CACNA1C: variants seen among roughly 807,000 people sequenced by gnomAD.
The protein encoded by CACNA1C is calcium voltage-gated channel subunit alpha1 C.
CACNA1C carries 30 observed loss-of-function variants against 229.0 expected under a neutral mutation model. That is an observed-to-expected ratio of 0.13 (90% CI 0.10 to 0.18). CACNA1C has a LOEUF of 0.18. Among genes scored for constraint, CACNA1C ranks in the 10% least tolerant of loss-of-function variants. CACNA1C has a pLI of 1.00. For synonymous variants in CACNA1C, 1,114 were observed against 1,132.5 expected, an observed-to-expected ratio of 0.98 and a Z score of 0.33; for missense variants, 1,658 against 2,845.0, an observed-to-expected ratio of 0.58 and a Z score of 9.49.
In CACNA1C at chr12:2,665,324, G is replaced by A. The variant is rs2153708616; in HGVS notation, c.4399-257G>A. 6.6e-6 allele frequency among the ~76,000 whole-genome samples: 1 copy of A among 152,322 alleles called. No homozygotes were observed. Among genetic ancestry groups the A allele is most frequent in the East Asian group, 1.9e-4 (1 of 5,180 alleles). ...GGAAAAGGGGATAAAGTCCCCCTCT[G>A]TCCTGCACAGCCCTGCCCAGCAGCT... On this transcript the variant is annotated intron_variant, in intron 35 of 46. Transcript: ENST00000399655. This position sits in a 1 kb window ranked among gnomAD's most constrained non-coding sequence, Gnocchi z 5.9.
At chr12:2,438,003 GGT>G (rs1448205991) in intron 3 of CACNA1C, among the ~76,000 whole-genome samples, 1 of 151,092 alleles carries the variant, frequency 6.6e-6, no homozygotes. Flanking sequence ...TGGTGGTGGT[GGT>G]AATGGTAGCG....
In CACNA1C at chr12:2,679,449, C is replaced by T. The variant is rs113595214; in HGVS notation, c.5097C>T (p.Ala1699=). ...CCCCTCCTTCTTGCCTACAGAGGGC[C>T]GGTGGCCTGTTCGGCAACCACGTCA... ...AASEDDIFRR[A]GGLFGNHVSY... is the part of the protein sequence containing the mutation. Residue 1699 remains alanine, a synonymous_variant, in exon 42 of 47, where the codon GCC becomes GCT. Coordinates refer to ENST00000399655, the MANE Select transcript of CACNA1C (RefSeq NM_000719.7). This position sits in a 1 kb window ranked among gnomAD's most constrained non-coding sequence, Gnocchi z 5.5. The T allele has an allele frequency of 8.0e-3, 12,428 of 1,556,730 alleles. 65 individuals are homozygous for T. Among genetic ancestry groups the T allele is most frequent in the Middle Eastern group, 0.023 (133 of 5,856 alleles).
At chr12:2,520,847 C>G (rs1180884889) in intron 9 of CACNA1C, among the ~76,000 whole-genome samples, 1 of 152,048 alleles carries the variant, frequency 6.6e-6, no homozygotes, top group Non-Finnish European at 1.5e-5. Context: ...GAAGCCATGA[C>G]AGTCTTCTCA....
intron 3 of CACNA1C, among the ~76,000 whole-genome samples, chr12:2,228,134 G>A (rs746627890): frequency 6.6e-6 from 1 of 152,158 alleles, no homozygotes; most frequent in Non-Finnish European, 1.5e-5. Flanking sequence ...TTGTGTCAGA[G>A]TTCAGTTGGC....
At chr12:2,455,658 T>G (rs2099413149) in intron 4 of CACNA1C, among the ~76,000 whole-genome samples, 1 of 152,144 alleles carries the variant, frequency 6.6e-6, no homozygotes, top group African/African-American at 2.4e-5. Flanking sequence ...TGCTGGGTGT[T>G]TGTCCACATC....
intron 34 of CACNA1C, among the ~76,000 whole-genome samples, chr12:2,662,102 C>CCTACAG (rs1326017698): frequency 1.5e-4 from 23 of 151,952 alleles, no homozygotes; most frequent in Non-Finnish European, 2.8e-4. Context: ...ATTAGCCGGG[C>CCTACAG]GTGGTAGCAG....
At chr12:2,481,871 G>A (rs1387850233) in intron 5 of CACNA1C, among the ~76,000 whole-genome samples, 1 of 152,248 alleles carries the variant, frequency 6.6e-6, no homozygotes, top group Non-Finnish European at 1.5e-5. Flanking sequence ...TGCTTCACCA[G>A]GCTTGTCTAG....
intron 1 of CACNA1C, among the ~76,000 whole-genome samples, chr12:2,033,619 G>T (rs2048597336): frequency 6.6e-6 from 1 of 152,088 alleles, no homozygotes; most frequent in South Asian, 2.1e-4. Context: ...GCAACCTCAT[G>T]CTAAAACATG....
intron 29 of CACNA1C, among the ~76,000 whole-genome samples, chr12:2,622,873 C>T (rs2084086549): frequency 6.6e-6 from 1 of 152,194 alleles, no homozygotes; most frequent in African/African-American, 2.4e-5. Context: ...TTTCCATCTC[C>T]TGGTGGCCTT....
intron 3 of CACNA1C, among the ~76,000 whole-genome samples, chr12:2,426,923 G>C (rs2099037885): frequency 6.6e-6 from 1 of 152,244 alleles, no homozygotes; most frequent in Non-Finnish European, 1.5e-5. Flanking sequence ...ACGCTTAGCT[G>C]TTGCACATTA....
intron 3 of CACNA1C, among the ~76,000 whole-genome samples, chr12:2,329,103 C>T (rs1304032996): frequency 1.3e-5 from 2 of 152,140 alleles, no homozygotes; most frequent in Non-Finnish European, 2.9e-5. Flanking sequence ...CCCTGAATAG[C>T]AATGTTGGTA....
At chr12:2,289,314 T>G (rs545801036) in intron 3 of CACNA1C, among the ~76,000 whole-genome samples, 8 of 152,236 alleles carry the variant, frequency 5.3e-5, no homozygotes, top group African/African-American at 1.9e-4. Flanking sequence ...CTATGCCCAA[T>G]AGTCATCCTG....
rs926542687 is a variant in CACNA1C, at chr12:2,649,410, G to A, written c.3945+903G>A. 1.3e-5 allele frequency among the ~76,000 whole-genome samples: 2 copies of A among 152,222 alleles called. No homozygotes were observed. Among genetic ancestry groups the A allele is most frequent in the East Asian group, 3.9e-4 (2 of 5,188 alleles). ...GTGGGTTGATGTGTTCCCCAGTGCA[G>A]CCTGGCGCTGCCTGGCCACAAGGCT... On this transcript the variant is annotated intron_variant, in intron 31 of 46. Coordinates refer to ENST00000399655, the MANE Select transcript of CACNA1C (RefSeq NM_000719.7). The surrounding 1 kb of genome is among the most constrained non-coding windows in gnomAD (Gnocchi z 4.4).
intron 9 of CACNA1C, among the ~76,000 whole-genome samples, chr12:2,515,643 G>A (rs925342261): frequency 1.3e-5 from 2 of 152,202 alleles, no homozygotes; most frequent in Non-Finnish European, 2.9e-5. Flanking sequence ...CTGGATGCCC[G>A]TGGTGTGAGG....
At chr12:2,462,951 C>G (rs188207876) in intron 5 of CACNA1C, among the ~76,000 whole-genome samples, 1 of 134,710 alleles carries the variant, frequency 7.4e-6, no homozygotes, top group African/African-American at 2.8e-5. Flanking sequence ...CTTGCTCTGT[C>G]GCCCAGGCTG....
intron 9 of CACNA1C, among the ~76,000 whole-genome samples, chr12:2,540,114 G>A (rs1008391934): frequency 6.6e-5 from 10 of 152,128 alleles, no homozygotes; most frequent in Admixed American, 5.2e-4. Context: ...CTCTCTCCTC[G>A]GGTCCACCCA....
chr12:2,664,564 C>T (rs2095966920), intron 34 of CACNA1C, among the ~76,000 whole-genome samples: 2 of 152,172 alleles, frequency 1.3e-5, no homozygotes, highest in South Asian at 4.1e-4. Context: ...AGGGCTAAGT[C>T]TCAAAAACAT....
At chr12:2,093,247 G>A (rs1361427970) in intron 1 of CACNA1C, among the ~76,000 whole-genome samples, 1 of 152,226 alleles carries the variant, frequency 6.6e-6, no homozygotes, top group East Asian at 1.9e-4. Flanking sequence ...TTCCCAGGGA[G>A]GCTAGTGGCT....
intron 1 of CACNA1C, among the ~76,000 whole-genome samples, chr12:1,983,326 G>A (rs1292257697): frequency 1.3e-5 from 2 of 151,436 alleles, no homozygotes; most frequent in Middle Eastern, 3.2e-3. Context: ...TTAAGTGAAC[G>A]TTTGAATTAC....
Sources: allele counts gnomAD v4.1 joint callset (sites outside exome capture counted in the v4.1 genomes callset), GRCh38; gene constraint gnomAD v4.1.1; non-coding constraint Gnocchi (gnomAD v3.1); transcripts MANE v1.5; gene names NCBI Gene and HGNC (gene_info 2026-07-23, HGNC 2026-07-21).